The following FANCA variants were observed in gnomAD, a reference collection of about 807,000 sequenced individuals.
FANCA encodes FA complementation group A.
Under a neutral mutation model 194.3 loss-of-function variants are expected in FANCA, and 236 were observed. The ratio of observed to expected loss-of-function variants is 1.21; its 90% confidence interval spans 1.09 to 1.35. The LOEUF is 1.35. FANCA is among the 40% of genes most tolerant of loss of function. The probability of loss-of-function intolerance (pLI) is 0.00; values close to 1 mark genes in which losing one functional copy is unlikely to be tolerated. For missense variants in FANCA, 2,628 were observed against 1,813.9 expected (o/e 1.45, Z -8.15); for synonymous variants, 1,014 against 715.8 (o/e 1.42, Z -6.65).
intron 37 of FANCA, among the ~76,000 whole-genome samples, chr16:89,742,329 A>AG (rs2062154089): frequency 6.6e-6 from 1 of 152,048 alleles, no homozygotes; most frequent in Non-Finnish European, 1.5e-5. Flanking sequence ...ATGGTGGCAC[A>AG]CACCTGTAGT....
chr16:89,798,839 C>A, intron 10 of FANCA: 1 of 1,498,142 alleles, frequency 6.7e-7, no homozygotes, highest in East Asian at 2.4e-5. Flanking sequence ...CTGAATCACA[C>A]CCAGGGAAGG....
intron 23 of FANCA, among the ~76,000 whole-genome samples, chr16:89,771,124 A>C (rs2039309160): frequency 1.4e-5 from 2 of 142,496 alleles, no homozygotes; most frequent in Non-Finnish European, 3.0e-5. Context: ...AAGATCGTCC[A>C]CTCCAGCCTG....
At chr16:89,755,992 G>A (rs1042662414) in intron 30 of FANCA, among the ~76,000 whole-genome samples, 6 of 152,086 alleles carry the variant, frequency 3.9e-5, no homozygotes, top group Non-Finnish European at 7.4e-5. Flanking sequence ...GCTATAAACC[G>A]GCATAGCATG....
chr16:89,753,742 G>A (rs866039158), intron 30 of FANCA, among the ~76,000 whole-genome samples: 2 of 152,116 alleles, frequency 1.3e-5, no homozygotes, highest in Non-Finnish European at 2.9e-5. Flanking sequence ...ACTCAGAACA[G>A]TGTCGCTGCC....
At chr16:89,741,101 A>C (rs2062122039) in intron 37 of FANCA, among the ~76,000 whole-genome samples, 1 of 152,234 alleles carries the variant, frequency 6.6e-6, no homozygotes, top group African/African-American at 2.4e-5. Context: ...ACAGTTTGAA[A>C]AAGTGACAAG....
chr16:89,775,962 A>C, intron 20 of FANCA, 147 bp from the exon 21 acceptor site: 1 of 386,412 alleles, frequency 2.6e-6, no homozygotes, highest in Non-Finnish European at 4.7e-6. Flanking sequence ...TTTTTACAAA[A>C]AAATATTAAA....
chr16:89,739,336 G>C, intron 40 of FANCA, 47 bp from the exon 41 acceptor site: 1 of 1,611,772 alleles, frequency 6.2e-7, no homozygotes, highest in Non-Finnish European at 8.5e-7. Flanking sequence ...TGCTGGAAAG[G>C]TAGCAGGTGA....
chr16:89,768,279 G>C (rs958810061), intron 26 of FANCA, among the ~76,000 whole-genome samples: 18 of 152,180 alleles, frequency 1.2e-4, no homozygotes, highest in African/African-American at 3.9e-4. Flanking sequence ...ATTCTCACTT[G>C]TAACCAAGGA....
chr16:89,779,160 T>C (rs755915607), intron 18 of FANCA, among the ~76,000 whole-genome samples, 157 bp from the exon 19 acceptor site: 3 of 152,092 alleles, frequency 2.0e-5, no homozygotes, highest in Non-Finnish European at 2.9e-5. Flanking sequence ...GGACAAGGCA[T>C]GTGTAGGGCA....
At chr16:89,787,352 T>C (rs1567632432) in intron 14 of FANCA, among the ~76,000 whole-genome samples, 1 of 152,056 alleles carries the variant, frequency 6.6e-6, no homozygotes, top group African/African-American at 2.4e-5. Flanking sequence ...TGAAACCCTG[T>C]CTCTACTAAA....
chr16:89,738,205 G>A lies in FANCA; in HGVS notation c.*396C>T, dbSNP rs1405074635. 2 of 1,611,168 alleles carry A rather than the reference G, an allele frequency of 1.2e-6. No homozygotes were observed. The highest frequency in any genetic ancestry group is 1.3e-5 in the African/African-American group (1 of 74,862). On this transcript the variant is annotated 3_prime_UTR_variant, in exon 43 of 43. Transcript: ENST00000389301. The stretch of plus-strand genomic sequence containing the variant: ...ACCACCTGGGCCACCGAGCCCCTCT[G>A]TGACCACAGAGGGCCAGGCGGTGAA...
At chr16:89,775,645 C>G in intron 21 of FANCA, 97 bp downstream of exon 21, 1 of 1,004,418 alleles carries the variant, frequency 1.0e-6, no homozygotes, top group South Asian at 1.4e-5. Context: ...CACAGCCACC[C>G]CCGAGCTCAC....
At chr16:89,755,920 G>A (rs924026876) in intron 30 of FANCA, among the ~76,000 whole-genome samples, 1 of 150,928 alleles carries the variant, frequency 6.6e-6, no homozygotes, top group African/African-American at 2.4e-5. Flanking sequence ...ACGGCCCACC[G>A]CGCAGAAACA....
chr16:89,779,909 C>T lies in FANCA; in HGVS notation c.1675G>A (p.Glu559Lys), dbSNP rs201323171. ...GTGACTGGGATGTTCCCCGTATGCT[C>T]AAACACCATGATGGCCTTTTCAACA... ...QDVEKAIMVF[E>K]HTGNIPVTVM... The change falls in exon 18 of 43, where the codon GAG becomes AAG. Residue 559 changes from glutamate (E) to lysine (K), a missense_variant. By Grantham distance (56) the Glu-to-Lys change is moderately conservative (BLOSUM62 1). Transcript: ENST00000389301. 6.2e-6 allele frequency: 10 copies of T among 1,614,136 alleles called. No homozygotes were observed. In the East Asian group the frequency reaches 2.0e-4, roughly 32 times the overall value.
intron 26 of FANCA, among the ~76,000 whole-genome samples, chr16:89,769,091 C>T (rs940172219): frequency 3.9e-5 from 6 of 152,214 alleles, no homozygotes; most frequent in Admixed American, 6.5e-5. Context: ...ACATTTCTTG[C>T]GCCTCTTCTA....
In FANCA at chr16:89,799,301, A is replaced by T; in HGVS notation, c.827-69T>A. ...CGGCAGCCCACCAGAAACAATCCCC[A>T]GGCGCTTTCAGACAACAGATCCACT... is the stretch of plus-strand genomic sequence containing the variant. On this transcript the variant is annotated intron_variant, in intron 9 of 42. Coordinates refer to ENST00000389301, the MANE Select transcript of FANCA (RefSeq NM_000135.4). 2.5e-6 allele frequency: 4 copies of T among 1,581,782 alleles called. No homozygotes were observed. In the Admixed American group the frequency reaches 6.9e-5, roughly 27 times the overall value.
intron 6 of FANCA, 82 bp from the exon 7 acceptor site, chr16:89,805,474 T>A: frequency 1.8e-6 from 2 of 1,137,140 alleles, no homozygotes; most frequent in Non-Finnish European, 1.3e-6. Flanking sequence ...TGTCCCAATT[T>A]TTTTTTTGAG....
intron 23 of FANCA, among the ~76,000 whole-genome samples, chr16:89,771,151 C>G (rs2039310486): frequency 8.2e-6 from 1 of 121,538 alleles, no homozygotes; most frequent in Non-Finnish European, 1.6e-5. Context: ...AGAGAAGACT[C>G]AGTCAAAAAA....
Position 89,751,946 on chromosome 16 carries a change from A to G in FANCA, c.3066+192T>C, listed in dbSNP as rs555503024. ...CCACCACGCCCGGCTAAATTTTTGT[A>G]TTTTTAGTAGAGACGGGGTCTCATC... On this transcript the variant is annotated intron_variant, in intron 31 of 42. Coordinates refer to ENST00000389301, the MANE Select transcript of FANCA (RefSeq NM_000135.4). 1.1e-4 allele frequency among the ~76,000 whole-genome samples: 16 copies of G among 151,670 alleles called. 1 individual carries two copies. In the South Asian group the frequency reaches 3.3e-3, roughly 32 times the overall value.
Sources: allele counts gnomAD v4.1 joint callset (sites outside exome capture counted in the v4.1 genomes callset), GRCh38; gene constraint gnomAD v4.1.1; transcripts MANE v1.5; gene names NCBI Gene and HGNC (gene_info 2026-07-23, HGNC 2026-07-21).